The following CACNA2D4 variants were observed in gnomAD, a reference collection of about 807,000 sequenced individuals.
The protein encoded by CACNA2D4 is calcium voltage-gated channel auxiliary subunit alpha2delta 4.
In CACNA2D4, 157 loss-of-function variants were observed where a neutral mutation model predicts 163.8. The ratio of observed to expected loss-of-function variants is 0.96; its 90% CI spans 0.84 to 1.09. The LOEUF is 1.09. Among genes scored for constraint, CACNA2D4 ranks in the 50% least tolerant of loss-of-function variants. The pLI is 0.00. For missense variants in CACNA2D4, 1,410 were observed against 1,479.9 expected, an observed-to-expected ratio of 0.95 and a Z score of 0.78; for synonymous variants, 598 against 586.9, an observed-to-expected ratio of 1.02 and a Z score of -0.27.
rs755428584 is a variant in CACNA2D4 at position 1,795,657 on chromosome 12, T to C, written c.3226+11A>G. On this transcript the variant is annotated intron_variant, in intron 36 of 37. Transcript: ENST00000382722. ...CCCCCACCGCACACATCCCCGAGCA[T>C]TGCAGGATATATTTGACTTCTGTCG... 1.4e-5 allele frequency: 22 copies of C among 1,558,262 alleles called. No homozygotes were observed. Among genetic ancestry groups the C allele is most frequent in the African/African-American group, 8.1e-5 (6 of 73,694 alleles).
At chr12:1,880,367 T>C (rs113528798) in intron 13 of CACNA2D4, among the ~76,000 whole-genome samples, 8,210 of 152,320 alleles carry the variant, frequency 0.054, 597 homozygotes, top group African/African-American at 0.16. Flanking sequence ...GGCACTGCAG[T>C]GCAAAGGCAG....
rs73032427 is a variant in CACNA2D4, at chr12:1,875,678, C to T, written c.1720-341G>A. Among the ~76,000 whole-genome samples, 22,082 of 152,152 alleles carry T rather than the reference C, an allele frequency of 0.15. 2,174 individuals carry two copies. Among genetic ancestry groups the T allele is most frequent in the African/African-American group, 0.28 (11,604 of 41,448 alleles). On this transcript the variant is annotated intron_variant, in intron 16 of 37. Coordinates refer to ENST00000382722, the MANE Select transcript of CACNA2D4 (RefSeq NM_172364.5). The surrounding 1 kb of genome is among the most constrained non-coding windows in gnomAD (Gnocchi z 4.0). ...AAATCCATCTCCCTGTTACTTCCAT[C>T]CACTGATCTTCCTTCTTTCCCCTGG... is the stretch of plus-strand genomic sequence containing the variant.
At chr12:1,822,508 A>G (rs1864146744) in intron 26 of CACNA2D4, among the ~76,000 whole-genome samples, 1 of 151,990 alleles carries the variant, frequency 6.6e-6, no homozygotes, top group South Asian at 2.1e-4. Context: ...GGCCCAGTGG[A>G]CACCTTAGCC....
chr12:1,900,437 C>G lies in CACNA2D4; in HGVS notation c.781+7003G>C, dbSNP rs368161105. On this transcript the variant is annotated intron_variant, in intron 6 of 37. Coordinates refer to ENST00000382722, the MANE Select transcript of CACNA2D4 (RefSeq NM_172364.5). Reference sequence around the variant, plus strand: ...GGCATGAGCCACTGCACCTGACCAACAAAAAACTTTTAACAACATTCAGAG... The same window carrying G: ...GGCATGAGCCACTGCACCTGACCAAGAAAAAACTTTTAACAACATTCAGAG... Among the ~76,000 whole-genome samples, 456 of 152,250 alleles carry G rather than the reference C, an allele frequency of 3.0e-3. 5 individuals carry two copies. Among genetic ancestry groups the G allele is most frequent in the African/African-American group, 0.01 (434 of 41,554 alleles).
chr12:1,903,188 A>G (rs1462458805), intron 6 of CACNA2D4, among the ~76,000 whole-genome samples: 1 of 152,068 alleles, frequency 6.6e-6, no homozygotes, highest in South Asian at 2.1e-4. Context: ...CTAGACTCCT[A>G]TCGCTCACCA....
chr12:1,810,918 G>C (rs1186634486), intron 27 of CACNA2D4, among the ~76,000 whole-genome samples: 1 of 152,206 alleles, frequency 6.6e-6, no homozygotes, highest in Non-Finnish European at 1.5e-5. Flanking sequence ...CAGGCCCTGG[G>C]TGGTGGAAGG....
At chr12:1,825,035 TA>T (rs1420530941) in intron 26 of CACNA2D4, among the ~76,000 whole-genome samples, 1 of 152,234 alleles carries the variant, frequency 6.6e-6, no homozygotes, top group Non-Finnish European at 1.5e-5. Flanking sequence ...CACATTTCTC[TA>T]AACAATACCA....
intron 26 of CACNA2D4, chr12:1,831,020 G>A (rs2154447119): frequency 6.2e-7 from 1 of 1,614,138 alleles, no homozygotes; most frequent in East Asian, 2.2e-5. Flanking sequence ...GCAGCCTGGA[G>A]GTGGACTGCA....
intron 18 of CACNA2D4, among the ~76,000 whole-genome samples, chr12:1,868,914 A>G (rs1217856972): frequency 1.3e-5 from 2 of 152,224 alleles, no homozygotes; most frequent in East Asian, 1.9e-4. Context: ...ATTAGGTTTT[A>G]TAAGTAATCT....
Position 1,884,328 on chromosome 12 carries a change from C to A in CACNA2D4, c.1273-7G>T, listed in dbSNP as rs1866081992. 1.2e-6 allele frequency: 2 copies of A among 1,611,312 alleles called. No individual in the cohort carries two copies. The highest frequency in any genetic ancestry group is 1.7e-6 in the Non-Finnish European group (2 of 1,178,796). On this transcript the variant is annotated splice_region_variant and splice_polypyrimidine_tract_variant and intron_variant, in intron 11 of 37. Transcript: ENST00000382722. Reference sequence around the variant, plus strand: ...GGTAAGTGAAAACTCGGACCTAACCCACAAGACACAGAGGCACTCAGCAGC... The same window carrying A: ...GGTAAGTGAAAACTCGGACCTAACCAACAAGACACAGAGGCACTCAGCAGC...
intron 34 of CACNA2D4, 152 bp from the exon 35 acceptor site, chr12:1,797,687 CG>C: frequency 1.7e-5 from 8 of 457,782 alleles, no homozygotes; most frequent in East Asian, 6.2e-5. Flanking sequence ...AGGAGCCGGG[CG>C]GGGGGTGAGG....
chr12:1,904,311 A>T (rs1043272563), intron 6 of CACNA2D4, among the ~76,000 whole-genome samples: 2 of 152,078 alleles, frequency 1.3e-5, no homozygotes, highest in African/African-American at 4.8e-5. Context: ...TGATAGCACA[A>T]CAGGGTAACT....
chr12:1,905,578 T>A (rs1238913391), intron 6 of CACNA2D4, among the ~76,000 whole-genome samples: 1 of 152,018 alleles, frequency 6.6e-6, no homozygotes, highest in African/African-American at 2.4e-5. Context: ...TCTGAGAAAT[T>A]ATTTTTAAAA....
At chr12:1,815,343 A>G (rs1261355398) in intron 26 of CACNA2D4, among the ~76,000 whole-genome samples, 1 of 144,602 alleles carries the variant, frequency 6.9e-6, no homozygotes, top group Non-Finnish European at 1.5e-5. Context: ...TCCTCCTGGA[A>G]TGCCCTTCCC....
chr12:1,864,797 G>T (rs1224782875), intron 18 of CACNA2D4, among the ~76,000 whole-genome samples: 1 of 152,244 alleles, frequency 6.6e-6, no homozygotes. Context: ...GCTCCGCTCC[G>T]GCTGTAGAAT....
At chr12:1,848,009 A>G (rs1464958197) in intron 23 of CACNA2D4, among the ~76,000 whole-genome samples, 1 of 151,966 alleles carries the variant, frequency 6.6e-6, no homozygotes, top group Non-Finnish European at 1.5e-5. Flanking sequence ...GGCAACGGGT[A>G]TCTCTTATTT....
intron 26 of CACNA2D4, among the ~76,000 whole-genome samples, chr12:1,837,820 C>T (rs1014050322): frequency 1.2e-4 from 19 of 152,324 alleles, no homozygotes; most frequent in African/African-American, 4.6e-4. Flanking sequence ...AAGAACGGGG[C>T]CCCTCTCAGG....
chr12:1,828,276 T>C lies in CACNA2D4; in HGVS notation c.2551+12463A>G. The C allele has an allele frequency of 1.4e-6, 2 of 1,414,772 alleles. No individual in the cohort carries two copies. Among genetic ancestry groups the C allele is most frequent in the Non-Finnish European group, 1.9e-6 (2 of 1,047,578 alleles). The allele number at this position is 1,414,772 out of a possible 1,614,324, so 87.6% of individuals were successfully genotyped here. A position where few individuals can be genotyped will look rare whatever the true frequency, so the allele number is the denominator to read the frequency against. The stretch of plus-strand genomic sequence containing the variant: ...TTGGGTGGGGGTGCCGAGGTGACTG[T>C]AGGTAGCGCCATATGGGACCTTAGC... On this transcript the variant is annotated intron_variant, in intron 26 of 37. Coordinates refer to ENST00000382722, the MANE Select transcript of CACNA2D4 (RefSeq NM_172364.5). The surrounding 1 kb of genome is among the most constrained non-coding windows in gnomAD (Gnocchi z 4.2).
At chr12:1,880,248 C>T (rs740458) in intron 13 of CACNA2D4, among the ~76,000 whole-genome samples, 77,498 of 152,170 alleles carry the variant, frequency 0.51, 21,674 homozygotes, top group Non-Finnish European at 0.62. Context: ...AACAGAGAGG[C>T]TTTGCACAGC....
Sources: gnomAD v4.1 joint callset for allele counts (sites outside exome capture counted in the v4.1 genomes callset) on GRCh38, gnomAD v4.1.1 for gene constraint, Gnocchi (gnomAD v3.1) non-coding constraint, MANE v1.5 for transcripts, NCBI Gene and HGNC (gene_info 2026-07-23, HGNC 2026-07-21) for gene names.